The following SULF2 variants were observed in gnomAD, a reference collection of about 807,000 sequenced individuals.
SULF2 encodes sulfatase 2.
In SULF2, 52 loss-of-function variants were observed where a neutral mutation model predicts 107.7. The observed-to-expected ratio is 0.48, with a 90% confidence interval of 0.39 to 0.61. The LOEUF (loss-of-function observed/expected upper bound fraction) is 0.61. Among genes scored for constraint, SULF2 ranks in the 20% least tolerant of loss-of-function variants. The pLI, the probability that SULF2 is intolerant of heterozygous loss-of-function variation, is 0.00. For synonymous variants in SULF2, 460 were observed against 464.3 expected (o/e 0.99, Z 0.12); for missense variants, 993 against 1,177.3 (o/e 0.84, Z 2.29).
At chr20:47,698,730 A>T (rs994477442) in intron 4 of SULF2, among the ~76,000 whole-genome samples, 5 of 152,098 alleles carry the variant, frequency 3.3e-5, no homozygotes, top group African/African-American at 7.2e-5. Flanking sequence ...TAGTCTGATT[A>T]AAAAAAATTA....
At chr20:47,671,632 C>T (rs1329831023) in intron 11 of SULF2, among the ~76,000 whole-genome samples, 1 of 152,096 alleles carries the variant, frequency 6.6e-6, no homozygotes. Context: ...AAACATGGCT[C>T]CTAGGGGAAG....
rs749436078 is a variant in SULF2, at chr20:47,666,039, C to T, written c.1806-86G>A. On this transcript the variant is annotated intron_variant, in intron 12 of 20. Coordinates refer to ENST00000688720, the MANE Select transcript of SULF2 (RefSeq NM_001387048.1). The surrounding 1 kb of genome is among the most constrained non-coding windows in gnomAD (Gnocchi z 5.4). ...CCCAAGAGGTGTGGGAAGCCCTTGC[C>T]GAGGTCTGTCCTGTCCCCTTCACCC... The T allele has an allele frequency of 4.7e-5, 75 of 1,592,054 alleles. No individual in the cohort carries two copies. Among genetic ancestry groups the T allele is most frequent in the Non-Finnish European group, 6.1e-5 (71 of 1,161,374 alleles).
intron 1 of SULF2, among the ~76,000 whole-genome samples, chr20:47,784,605 G>A (rs1017323092): frequency 5.9e-5 from 9 of 152,172 alleles, no homozygotes; most frequent in African/African-American, 1.7e-4. Context: ...TGGCGCGCAG[G>A]AGCCAGATCC....
At chr20:47,749,574 A>G (rs2090118076) in intron 2 of SULF2, among the ~76,000 whole-genome samples, 1 of 152,258 alleles carries the variant, frequency 6.6e-6, no homozygotes, top group Admixed American at 6.5e-5. Context: ...CTGGGCTTCC[A>G]GCCATCTGGC....
At chr20:47,767,647 T>C (rs1038085846) in intron 1 of SULF2, among the ~76,000 whole-genome samples, 1 of 152,178 alleles carries the variant, frequency 6.6e-6, no homozygotes, top group Non-Finnish European at 1.5e-5. Context: ...TGGTGGCACA[T>C]GCCTGTAGTC....
At chr20:47,706,318 T>TC (rs1402376227) in intron 3 of SULF2, among the ~76,000 whole-genome samples, 2 of 152,056 alleles carry the variant, frequency 1.3e-5, no homozygotes, top group African/African-American at 4.8e-5. Context: ...CTGGCCTCTC[T>TC]CCATGCTCTC....
In SULF2 at chr20:47,785,454, C is replaced by CGCTGCT. The variant is rs1333087154; in HGVS notation, c.-213_-212insAGCAGC. On this transcript the variant is annotated 5_prime_UTR_variant, in exon 1 of 21. Transcript: ENST00000688720. ...GACTCCGCGCCGCCGCTGCCGCTGC[C>CGCTGCT]GCCGCCGCCGCCGCCGCTGCCGCTG... 0.069 allele frequency: 10,579 copies of CGCTGCT among 153,706 alleles called. 417 individuals carry two copies. Among genetic ancestry groups the CGCTGCT allele is most frequent in the African/African-American group, 0.094 (3,645 of 38,870 alleles). 9.5% of individuals were successfully genotyped at this position (153,706 alleles called of 1,614,324 possible).
intron 1 of SULF2, among the ~76,000 whole-genome samples, chr20:47,776,369 G>A (rs547649956): frequency 3.1e-4 from 47 of 152,304 alleles, no homozygotes; most frequent in South Asian, 8.3e-4. Context: ...GAGAGACTTC[G>A]TTGTGTCTCT....
Position 47,690,212 on chromosome 20 carries a change from G to A in SULF2, c.651C>T (p.Leu217=), listed in dbSNP as rs1403696326. The A allele has an allele frequency of 1.3e-6, 2 of 1,576,370 alleles. No individual in the cohort carries two copies. Among genetic ancestry groups the A allele is most frequent in the Admixed American group, 1.8e-5 (1 of 56,474 alleles). The change falls in exon 5 of 21, where the codon CTC becomes CTT. Residue 217 remains leucine (L), a synonymous_variant. Coordinates refer to ENST00000688720, the MANE Select transcript of SULF2 (RefSeq NM_001387048.1). ...SKKMYPHRPV[L]MVISHAAPHG... ...GGGGGGCTGCATGGCTGATGACCAT[G>A]AGGACTGGCCTGTGCGGGTACATCT... is the stretch of plus-strand genomic sequence containing the variant.
intron 3 of SULF2, among the ~76,000 whole-genome samples, chr20:47,731,187 C>CTCTCTCTTTTTTTTTTTTTTTTTT (rs1186229502): frequency 1.2e-5 from 1 of 81,180 alleles, no homozygotes; most frequent in African/African-American, 6.2e-5. Context: ...TGTATCTTCT[C>CTCTCTCTTTTTTTTTTTTTTTTTT]TTTTTTTTTT....
chr20:47,661,574 G>A lies in SULF2; in HGVS notation c.2494+199C>T, dbSNP rs116852268. Reference sequence around the variant, plus strand: ...TGTGTTTCCTGGGCAGTTGGTGCAGGTGTTCCTCTCTCAGGAATCACAGCT... The same window carrying A: ...TGTGTTTCCTGGGCAGTTGGTGCAGATGTTCCTCTCTCAGGAATCACAGCT... On this transcript the variant is annotated intron_variant, in intron 18 of 20. Coordinates refer to ENST00000688720, the MANE Select transcript of SULF2 (RefSeq NM_001387048.1). The A allele has an allele frequency of 9.6e-3, 4,099 of 427,922 alleles. 35 individuals carry two copies. Among genetic ancestry groups the A allele is most frequent in the Middle Eastern group, 0.02 (31 of 1,554 alleles). 26.5% of individuals were successfully genotyped at this position (427,922 alleles called of 1,614,324 possible). A position where few individuals can be genotyped will look rare whatever the true frequency, so the allele number is the denominator to read the frequency against.
intron 3 of SULF2, among the ~76,000 whole-genome samples, chr20:47,711,283 G>A (rs1195841377): frequency 6.6e-6 from 1 of 152,238 alleles, no homozygotes; most frequent in African/African-American, 2.4e-5. Flanking sequence ...CAGACTGTCT[G>A]GGTTTGAATC....
intron 11 of SULF2, among the ~76,000 whole-genome samples, chr20:47,670,412 G>A (rs1037907068): frequency 3.3e-5 from 5 of 151,468 alleles, no homozygotes; most frequent in East Asian, 2.0e-4. Flanking sequence ...GACTGGTCTC[G>A]AACTTCTGAG....
At chr20:47,684,409 G>C (rs2087928065) in intron 6 of SULF2, 22 bp downstream of exon 6, 2 of 1,592,922 alleles carry the variant, frequency 1.3e-6, no homozygotes, top group South Asian at 1.1e-5. Flanking sequence ...CGCCCACCAA[G>C]AGGCATGCAG....
chr20:47,758,052 T>C (rs2090334883), intron 1 of SULF2, among the ~76,000 whole-genome samples: 1 of 152,166 alleles, frequency 6.6e-6, no homozygotes, highest in African/African-American at 2.4e-5. Flanking sequence ...GAACCTCGGT[T>C]TCCCCATGAA....
intron 2 of SULF2, among the ~76,000 whole-genome samples, chr20:47,742,027 T>C (rs1019366551): frequency 6.6e-6 from 1 of 152,182 alleles, no homozygotes; most frequent in Non-Finnish European, 1.5e-5. Context: ...CCAAATCAGC[T>C]GGCGGAGGAG....
intron 2 of SULF2, among the ~76,000 whole-genome samples, chr20:47,739,979 C>T (rs2089839397): frequency 6.6e-6 from 1 of 152,178 alleles, no homozygotes; most frequent in African/African-American, 2.4e-5. Flanking sequence ...ACACCACCTG[C>T]ACCCACTCTC....
chr20:47,763,576 C>T (rs960865675), intron 1 of SULF2, among the ~76,000 whole-genome samples: 2 of 152,154 alleles, frequency 1.3e-5, no homozygotes, highest in Non-Finnish European at 2.9e-5. Context: ...CCATGAAAGG[C>T]GGGAAGAAAG....
At position 47,785,454 on chromosome 20, in the gene SULF2, C is replaced by CGCCGCCGCCGCCGCT. The variant is rs2090912864; in HGVS notation, c.-213_-212insAGCGGCGGCGGCGGC. 1 of 153,396 alleles carries CGCCGCCGCCGCCGCT rather than the reference C, an allele frequency of 6.5e-6. No individual in the cohort carries two copies. The highest frequency in any genetic ancestry group is 2.6e-5 in the African/African-American group (1 of 38,888). 9.5% of individuals were successfully genotyped at this position (153,396 alleles called of 1,614,324 possible). On this transcript the variant is annotated 5_prime_UTR_variant, in exon 1 of 21. Coordinates refer to ENST00000688720, the MANE Select transcript of SULF2 (RefSeq NM_001387048.1). ...GACTCCGCGCCGCCGCTGCCGCTGC[C>CGCCGCCGCCGCCGCT]GCCGCCGCCGCCGCCGCTGCCGCTG...
Sources: gnomAD v4.1 joint callset for allele counts (sites outside exome capture counted in the v4.1 genomes callset) on GRCh38, gnomAD v4.1.1 for gene constraint, Gnocchi (gnomAD v3.1) non-coding constraint, MANE v1.5 for transcripts, NCBI Gene and HGNC (gene_info 2026-07-23, HGNC 2026-07-21) for gene names.